PTPRN2: variants seen among roughly 807,000 people sequenced by gnomAD.
The protein encoded by PTPRN2 is receptor-type tyrosine-protein phosphatase N2.
PTPRN2 carries 74 observed loss-of-function variants against 118.8 expected under a neutral mutation model. The observed-to-expected ratio is 0.62, with a 90% CI of 0.52 to 0.76. The LOEUF (loss-of-function observed/expected upper bound fraction) is 0.76. Ranked by LOEUF, PTPRN2 falls within the 30% of genes least tolerant of loss-of-function variation. The pLI, the probability that PTPRN2 is intolerant of heterozygous loss-of-function variation, is 0.00. For missense variants in PTPRN2, 1,481 were observed against 1,394.4 expected, an observed-to-expected ratio of 1.06 and a Z score of -0.99; for synonymous variants, 641 against 608.0, an observed-to-expected ratio of 1.05 and a Z score of -0.80.
intron 10 of PTPRN2, among the ~76,000 whole-genome samples, chr7:158,089,954 C>T (rs1813949356): frequency 2.4e-5 from 1 of 41,868 alleles, no homozygotes; most frequent in African/African-American, 4.4e-5. Context: ...ACCCTTCCTC[C>T]CCTGACGAAA....
Position 157,717,067 on chromosome 7 carries a change from G to GTGGGAA in PTPRN2, c.1789-34131_1789-34130insTTCCCA, listed in dbSNP as rs1179768882. Among the ~76,000 whole-genome samples, 173 of 143,264 alleles carry GTGGGAA rather than the reference G, an allele frequency of 1.2e-3. 31 individuals carry two copies. Among genetic ancestry groups the GTGGGAA allele is most frequent in the Middle Eastern group, 3.6e-3 (1 of 278 alleles). The allele number at this position is 143,264 out of a possible 152,430, so 94.0% of individuals were successfully genotyped here. ...AACACTGCCTGGCCACGTAGACTCT[G>GTGGGAA]CAGGAACACTGCCTGGCCACTTAGA... On this transcript the variant is annotated intron_variant, in intron 12 of 22. Transcript: ENST00000389418.
chr7:158,154,271 G>A (rs536252336), intron 6 of PTPRN2, among the ~76,000 whole-genome samples: 4 of 152,298 alleles, frequency 2.6e-5, no homozygotes, highest in East Asian at 1.9e-4. Flanking sequence ...GTTGGGACTC[G>A]GGGAAACCCA....
At chr7:157,932,386 CTT>C (rs66516626) in intron 11 of PTPRN2, among the ~76,000 whole-genome samples, 47,218 of 151,842 alleles carry the variant, frequency 0.31, 7,676 homozygotes, top group Non-Finnish European at 0.38. Context: ...TTAGAAAATC[CTT>C]CAGTTCAGTC....
At chr7:158,212,864 C>A (rs1198070703) in intron 3 of PTPRN2, among the ~76,000 whole-genome samples, 2 of 152,006 alleles carry the variant, frequency 1.3e-5, no homozygotes, top group Non-Finnish European at 1.5e-5. Context: ...TGTACTGTAT[C>A]CGGGAGCCAA....
chr7:157,981,122 C>G (rs912513584), intron 11 of PTPRN2, among the ~76,000 whole-genome samples: 1 of 152,240 alleles, frequency 6.6e-6, no homozygotes, highest in Non-Finnish European at 1.5e-5. Context: ...TCCTCATATA[C>G]CAAAGTTGAG....
chr7:158,083,043 C>T (rs1323709085), intron 10 of PTPRN2, among the ~76,000 whole-genome samples: 1 of 152,178 alleles, frequency 6.6e-6, no homozygotes, highest in African/African-American at 2.4e-5. Context: ...TGAGTTCTAC[C>T]CCCTCTCAAA....
At chr7:158,468,190 A>G (rs1014008678) in intron 2 of PTPRN2, among the ~76,000 whole-genome samples, 1 of 152,254 alleles carries the variant, frequency 6.6e-6, no homozygotes, top group Admixed American at 6.5e-5. Context: ...CAATTTGCAA[A>G]TTCTTAAATG....
chr7:157,545,945 A>G (rs796768112), intron 22 of PTPRN2, among the ~76,000 whole-genome samples: 4 of 152,136 alleles, frequency 2.6e-5, no homozygotes, highest in African/African-American at 9.6e-5. Context: ...TAATTTTTCT[A>G]TCTTTGTGAA....
intron 2 of PTPRN2, among the ~76,000 whole-genome samples, chr7:158,405,862 C>T (rs1314486939): frequency 6.7e-6 from 1 of 149,198 alleles, no homozygotes; most frequent in East Asian, 2.0e-4. Flanking sequence ...CCCGCAGTGG[C>T]TCATCCGTGA....
At chr7:158,091,746 G>T (rs1814149968) in intron 10 of PTPRN2, among the ~76,000 whole-genome samples, 1 of 147,892 alleles carries the variant, frequency 6.8e-6, no homozygotes, top group Non-Finnish European at 1.5e-5. Flanking sequence ...GTGGGTGAAA[G>T]ATAGGTGATG....
rs555421274 is a variant in PTPRN2 at position 158,405,873 on chromosome 7, G to A, written c.163+83862C>T. ...AGATCCCGCAGTGGCTCATCCGTGA[G>A]ACACGTGTCCGCACACTGAGATCCC... On this transcript the variant is annotated intron_variant, in intron 2 of 22. Transcript: ENST00000389418. Among the ~76,000 whole-genome samples the A allele has an allele frequency of 1.1e-3, 159 of 146,946 alleles. 13 individuals carry two copies. The highest frequency in any genetic ancestry group is 4.0e-3 in the African/African-American group (153 of 38,516).
At chr7:158,585,640 C>T (rs1828865256) in intron 1 of PTPRN2, among the ~76,000 whole-genome samples, 1 of 152,224 alleles carries the variant, frequency 6.6e-6, no homozygotes, top group Non-Finnish European at 1.5e-5. Context: ...TCATGCACTT[C>T]CATCTTTGGG....
intron 1 of PTPRN2, among the ~76,000 whole-genome samples, chr7:158,495,369 A>G (rs1667254161): frequency 6.6e-6 from 1 of 152,222 alleles, no homozygotes; most frequent in Admixed American, 6.5e-5. Context: ...GAGAGAGAGC[A>G]GGGTGCCCAG....
At chr7:157,604,639 CT>C (rs1801893058) in intron 15 of PTPRN2, among the ~76,000 whole-genome samples, 1 of 152,166 alleles carries the variant, frequency 6.6e-6, no homozygotes, top group African/African-American at 2.4e-5. Flanking sequence ...CTCAAGATTA[CT>C]GGAATTTAGT....
At chr7:158,412,878 C>T (rs1814285945) in intron 2 of PTPRN2, among the ~76,000 whole-genome samples, 1 of 140,922 alleles carries the variant, frequency 7.1e-6, no homozygotes, top group Non-Finnish European at 1.5e-5. Flanking sequence ...TCTCAGCACC[C>T]TCCTCAGCAC....
chr7:158,488,431 C>T (rs1036462457), intron 2 of PTPRN2, among the ~76,000 whole-genome samples: 1 of 152,190 alleles, frequency 6.6e-6, no homozygotes, highest in Admixed American at 6.5e-5. Flanking sequence ...GCGCCTCCAC[C>T]GTGGCTTCCC....
chr7:158,341,887 A>C (rs1334101104), intron 2 of PTPRN2, among the ~76,000 whole-genome samples: 1 of 117,126 alleles, frequency 8.5e-6, no homozygotes, highest in Non-Finnish European at 1.7e-5. Flanking sequence ...ACTCACACCC[A>C]CACTCACCAT....
intron 11 of PTPRN2, among the ~76,000 whole-genome samples, chr7:157,900,838 A>G (rs1430402007): frequency 6.6e-6 from 1 of 152,176 alleles, no homozygotes; most frequent in Non-Finnish European, 1.5e-5. Flanking sequence ...CTCTGTGTAA[A>G]TGCTCCCATC....
intron 2 of PTPRN2, among the ~76,000 whole-genome samples, chr7:158,394,111 C>T (rs1297378799): frequency 6.6e-6 from 1 of 150,804 alleles, no homozygotes; most frequent in Non-Finnish European, 1.5e-5. Flanking sequence ...CCCACAGACA[C>T]CTGGACCCCC....
Sources: gnomAD v4.1 joint callset for allele counts (sites outside exome capture counted in the v4.1 genomes callset) on GRCh38, gnomAD v4.1.1 for gene constraint, MANE v1.5 for transcripts, NCBI Gene and HGNC (gene_info 2026-07-23, HGNC 2026-07-21) for gene names.